Variants in ZNF385B observed in about 807,000 individuals in gnomAD.
ZNF385B encodes the protein zinc finger protein 385B.
Under a neutral mutation model 39.2 loss-of-function variants are expected in ZNF385B, and 23 were observed. The observed-to-expected ratio is 0.59, with a 90% CI of 0.42 to 0.83. The LOEUF (loss-of-function observed/expected upper bound fraction) is 0.83. Ranked by LOEUF, ZNF385B falls within the 40% of genes least tolerant of loss-of-function variation. The pLI, the probability that ZNF385B is intolerant of heterozygous loss-of-function variation, is 0.00. For missense variants in ZNF385B, 552 were observed against 598.9 expected (o/e 0.92, Z 0.82); for synonymous variants, 205 against 222.6 (o/e 0.92, Z 0.70).
At chr2:179,598,588 G>A (rs1001059025) in intron 3 of ZNF385B, among the ~76,000 whole-genome samples, 1 of 151,964 alleles carries the variant, frequency 6.6e-6, no homozygotes, top group African/African-American at 2.4e-5. Flanking sequence ...ATTCTGATAT[G>A]TATTTATTAA....
intron 3 of ZNF385B, among the ~76,000 whole-genome samples, chr2:179,709,984 T>A (rs943625584): frequency 9.2e-5 from 14 of 152,214 alleles, no homozygotes; most frequent in African/African-American, 3.4e-4. Context: ...GCTCACACTT[T>A]ACCAGACACA....
At chr2:179,447,498 G>A (rs2049621913) in intron 6 of ZNF385B, among the ~76,000 whole-genome samples, 1 of 152,228 alleles carries the variant, frequency 6.6e-6, no homozygotes, top group Non-Finnish European at 1.5e-5. Context: ...AATCCTCAAG[G>A]CCCATGTGCA....
chr2:179,743,092 T>C (rs1702172797), intron 3 of ZNF385B, among the ~76,000 whole-genome samples: 1 of 152,076 alleles, frequency 6.6e-6, no homozygotes, highest in Admixed American at 6.6e-5. Flanking sequence ...TTCTAAAACT[T>C]TTTTAAAAAG....
intron 3 of ZNF385B, among the ~76,000 whole-genome samples, chr2:179,725,766 C>A (rs1465512054): frequency 6.6e-6 from 1 of 151,106 alleles, no homozygotes; most frequent in Admixed American, 6.6e-5. Context: ...TATGTTCCAA[C>A]TGATAAGATG....
chr2:179,703,431 C>T (rs897450598), intron 3 of ZNF385B, among the ~76,000 whole-genome samples: 3 of 152,184 alleles, frequency 2.0e-5, no homozygotes, highest in Non-Finnish European at 4.4e-5. Flanking sequence ...TTCCTTAGTA[C>T]TCACCACTCT....
At chr2:179,809,721 G>A (rs757523809) in intron 1 of ZNF385B, among the ~76,000 whole-genome samples, 42 of 151,920 alleles carry the variant, frequency 2.8e-4, no homozygotes, top group Non-Finnish European at 4.3e-4. Context: ...AAAATCCATC[G>A]TATCTAAATA....
At chr2:179,663,664 C>T (rs942370112) in intron 3 of ZNF385B, among the ~76,000 whole-genome samples, 1 of 132,568 alleles carries the variant, frequency 7.5e-6, no homozygotes, top group Admixed American at 8.2e-5. Flanking sequence ...GAGCCGAGAT[C>T]GCGCCGCTGC....
chr2:179,825,253 G>A (rs1428960567), intron 1 of ZNF385B, among the ~76,000 whole-genome samples: 2 of 152,162 alleles, frequency 1.3e-5, no homozygotes, highest in East Asian at 3.9e-4. Flanking sequence ...TTATAGGACA[G>A]ATGAATCCTA....
intron 3 of ZNF385B, among the ~76,000 whole-genome samples, chr2:179,609,750 T>C (rs1461945430): frequency 6.6e-6 from 1 of 152,234 alleles, no homozygotes; most frequent in Non-Finnish European, 1.5e-5. Flanking sequence ...TTCTTGCCTG[T>C]CTTTTGAATA....
intron 1 of ZNF385B, among the ~76,000 whole-genome samples, chr2:179,778,242 C>G (rs1704457761): frequency 6.6e-6 from 1 of 152,202 alleles, no homozygotes; most frequent in Admixed American, 6.5e-5. Context: ...CACTGCTGTG[C>G]AGCATGAAAC....
chr2:179,523,348 GTTTTT>G (rs574497139), intron 4 of ZNF385B, among the ~76,000 whole-genome samples: 1 of 108,672 alleles, frequency 9.2e-6, no homozygotes, highest in Non-Finnish European at 1.9e-5. Context: ...ATCTGTGTGC[GTTTTT>G]TTTTTTTTTT....
intron 3 of ZNF385B, among the ~76,000 whole-genome samples, chr2:179,674,801 A>G (rs76491114): frequency 0.034 from 5,160 of 152,296 alleles, 292 homozygotes; most frequent in African/African-American, 0.12. Flanking sequence ...CTAGTCCCAG[A>G]GAGGGAAAAC....
At chr2:179,651,899 A>G (rs963530150) in intron 3 of ZNF385B, among the ~76,000 whole-genome samples, 2 of 152,184 alleles carry the variant, frequency 1.3e-5, no homozygotes, top group Non-Finnish European at 2.9e-5. Context: ...CATTTCCCTT[A>G]TCTTTATCAG....
At chr2:179,796,249 T>C (rs1705657749) in intron 1 of ZNF385B, 1 of 152,196 alleles carries the variant, frequency 6.6e-6, no homozygotes, top group Admixed American at 6.6e-5. Flanking sequence ...AGTCCACAGA[T>C]AACTTGAATT....
At position 179,754,492 on chromosome 2, in the gene ZNF385B, A is replaced by G. The variant is rs185857371; in HGVS notation, c.298+15011T>C. ...CCCTCTTTTTCTATTGATTGGAATA[A>G]TTTCAGAAGGAATGGTACCAGTTCC... On this transcript the variant is annotated intron_variant, in intron 3 of 9. Coordinates refer to ENST00000410066, the MANE Select transcript of ZNF385B (RefSeq NM_152520.6). Among the ~76,000 whole-genome samples, 141 of 152,194 alleles carry G rather than the reference A, an allele frequency of 9.3e-4. 2 individuals are homozygous for G. Among genetic ancestry groups the G allele is most frequent in the East Asian group, 5.8e-4 (3 of 5,162 alleles).
intron 1 of ZNF385B, among the ~76,000 whole-genome samples, chr2:179,852,110 C>T (rs1048716016): frequency 1.1e-3 from 160 of 152,312 alleles, no homozygotes; most frequent in African/African-American, 3.6e-3. Context: ...AACAGCAGTT[C>T]GAATGTGCAC....
Position 179,833,901 on chromosome 2 carries a change from A to G in ZNF385B, c.-155+27200T>C, listed in dbSNP as rs1199984377. Among the ~76,000 whole-genome samples the G allele has an allele frequency of 3.9e-5, 6 of 152,292 alleles. No homozygotes were observed. The East Asian group carries it at 1.2e-3, about 29-fold the overall frequency. On this transcript the variant is annotated intron_variant, in intron 1 of 9. Transcript: ENST00000410066. The stretch of plus-strand genomic sequence containing the variant: ...AATGAAATACATTCTAAGGGCAAAA[A>G]GAACTGCAGAGATCTTGAACTCAGT...
intron 1 of ZNF385B, among the ~76,000 whole-genome samples, chr2:179,806,953 G>A (rs1706389472): frequency 6.6e-6 from 1 of 152,180 alleles, no homozygotes; most frequent in Admixed American, 6.5e-5. Flanking sequence ...AGGATGTAGA[G>A]CAATGGCAAT....
At chr2:179,799,370 G>A (rs1705886199) in intron 1 of ZNF385B, among the ~76,000 whole-genome samples, 1 of 151,976 alleles carries the variant, frequency 6.6e-6, no homozygotes, top group Non-Finnish European at 1.5e-5. Flanking sequence ...TAGAGTCAGT[G>A]TTGTATTCCT....
Sources: gnomAD v4.1 joint callset for allele counts (sites outside exome capture counted in the v4.1 genomes callset) on GRCh38, gnomAD v4.1.1 for gene constraint, MANE v1.5 for transcripts, NCBI Gene and HGNC (gene_info 2026-07-23, HGNC 2026-07-21) for gene names.